Variants in EFTUD2 observed in about 807,000 individuals in gnomAD.
EFTUD2 encodes 116 kDa U5 small nuclear ribonucleoprotein component.
EFTUD2 carries 9 observed loss-of-function variants against 114.3 expected under a neutral mutation model. The ratio of observed to expected loss-of-function variants is 0.08; its 90% CI spans 0.05 to 0.14. The LOEUF is 0.14. Among genes scored for constraint, EFTUD2 ranks in the 10% least tolerant of loss-of-function variants. The pLI is 1.00. For missense variants in EFTUD2, 765 were observed against 1,241.2 expected (o/e 0.62, Z 5.76); for synonymous variants, 449 against 462.3 (o/e 0.97, Z 0.37).
intron 2 of EFTUD2, among the ~76,000 whole-genome samples, chr17:44,893,779 T>C (rs1040028477): frequency 3.0e-5 from 1 of 33,500 alleles, no homozygotes; most frequent in East Asian, 1.3e-3. Flanking sequence ...GGGGGGGGGG[T>C]GGGGGGGCAG....
chr17:44,880,141 T>C (rs911653018), intron 8 of EFTUD2, among the ~76,000 whole-genome samples: 2 of 152,138 alleles, frequency 1.3e-5, no homozygotes, highest in Non-Finnish European at 2.9e-5. Context: ...CAGTTGGTCC[T>C]TTCCATAGGA....
intron 14 of EFTUD2, among the ~76,000 whole-genome samples, chr17:44,864,678 C>T (rs1442283892): frequency 2.6e-5 from 4 of 152,150 alleles, no homozygotes; most frequent in African/African-American, 4.8e-5. Flanking sequence ...AGCCTGCCTC[C>T]CCATCTCATT....
intron 20 of EFTUD2, among the ~76,000 whole-genome samples, chr17:44,855,289 G>A (rs531884690): frequency 2.4e-4 from 37 of 152,190 alleles, no homozygotes; most frequent in African/African-American, 4.3e-4. Flanking sequence ...ACAGCCAGGC[G>A]CGGTGGCTCA....
chr17:44,851,197 G>T lies in EFTUD2; in HGVS notation c.*77C>A. 1 of 1,217,614 alleles carries T rather than the reference G, an allele frequency of 8.2e-7. No homozygotes were observed. The allele number at this position is 1,217,614 out of a possible 1,614,324, so 75.4% of individuals were successfully genotyped here. On this transcript the variant is annotated 3_prime_UTR_variant, in exon 28 of 28. Transcript: ENST00000426333. ...CACTCTCTGACAACACGAAGGCCAC[G>T]TCATATGAGGTCTCAGCTTCAAGTA...
At chr17:44,862,577 C>A (rs574203116) in intron 16 of EFTUD2, 136 bp downstream of exon 16, 2 of 765,304 alleles carry the variant, frequency 2.6e-6, no homozygotes, top group African/African-American at 1.8e-5. Context: ...AATAGCCCTG[C>A]GGAGGGAGAG....
intron 10 of EFTUD2, among the ~76,000 whole-genome samples, chr17:44,874,485 GGTATCT>G (rs1452603601): frequency 6.6e-6 from 1 of 152,178 alleles, no homozygotes; most frequent in Non-Finnish European, 1.5e-5. Context: ...GGCTCCTGAA[GGTATCT>G]GTCTCTAGCC....
At position 44,885,472 on chromosome 17, in the gene EFTUD2, G is replaced by A; in HGVS notation, c.272-138C>T. On this transcript the variant is annotated intron_variant, in intron 3 of 27. Coordinates refer to ENST00000426333, the MANE Select transcript of EFTUD2 (RefSeq NM_004247.4). ...TTTTACTCTCAAGGATCACTCATAT[G>A]TTGAGAAAGTTTTGGAAATGCTGTT... is the stretch of plus-strand genomic sequence containing the variant. 8.5e-6 allele frequency: 5 copies of A among 586,184 alleles called. No homozygotes were observed. The Admixed American group carries it at 1.4e-4, about 16-fold the overall frequency. 36.3% of individuals were successfully genotyped at this position (586,184 alleles called of 1,614,324 possible). A position where few individuals can be genotyped will look rare whatever the true frequency, so the allele number is the denominator to read the frequency against.
chr17:44,886,207 A>T (rs556322063), intron 3 of EFTUD2, among the ~76,000 whole-genome samples: 1 of 152,226 alleles, frequency 6.6e-6, no homozygotes, highest in East Asian at 1.9e-4. Context: ...GTAATCCAGC[A>T]TGGGCGACAG....
At chr17:44,875,740 T>C in intron 10 of EFTUD2, 194 bp downstream of exon 10, 1 of 594,930 alleles carries the variant, frequency 1.7e-6, no homozygotes, top group Middle Eastern at 4.8e-4. Context: ...GCCCAAGTAC[T>C]GATCATAATA....
At chr17:44,869,984 G>A (rs1212232638) in intron 11 of EFTUD2, among the ~76,000 whole-genome samples, 1 of 152,178 alleles carries the variant, frequency 6.6e-6, no homozygotes, top group East Asian at 1.9e-4. Flanking sequence ...TTGGTAGTAA[G>A]GTGTAAATGG....
Position 44,854,013 on chromosome 17 carries a change from A to G in EFTUD2, c.2347+256T>C. On this transcript the variant is annotated intron_variant, in intron 23 of 27. Transcript: ENST00000426333. This position sits in a 1 kb window ranked among gnomAD's most constrained non-coding sequence, Gnocchi z 4.3. ...CATCATCCTCTTGATATCTCTTCTC[A>G]AATACGTCCAACGCCAAACCCTTCT... is the stretch of plus-strand genomic sequence containing the variant. The G allele has an allele frequency of 2.2e-6, 3 of 1,363,332 alleles. No homozygotes were observed. Among genetic ancestry groups the G allele is most frequent in the Non-Finnish European group, 2.8e-6 (3 of 1,062,188 alleles). 84.5% of individuals were successfully genotyped at this position (1,363,332 alleles called of 1,614,324 possible). A position where few individuals can be genotyped will look rare whatever the true frequency, so the allele number is the denominator to read the frequency against.
At position 44,868,556 on chromosome 17, in the gene EFTUD2, G is replaced by C. The variant is rs940490206; in HGVS notation, c.995-206C>G. ...GTCCAAAGTTGACAAGGCTGTGCTGGAGCCAAAATGAGAACCCAAGCCTCT... is the reference window on the plus strand; with the variant it reads ...GTCCAAAGTTGACAAGGCTGTGCTGCAGCCAAAATGAGAACCCAAGCCTCT... On this transcript the variant is annotated intron_variant, in intron 11 of 27. Transcript: ENST00000426333. 7 of 536,870 alleles carry C rather than the reference G, an allele frequency of 1.3e-5. No individual in the cohort carries two copies. The Admixed American group carries it at 1.4e-4, about 10-fold the overall frequency. The allele number at this position is 536,870 out of a possible 1,614,324, so 33.3% of individuals were successfully genotyped here. A position where few individuals can be genotyped will look rare whatever the true frequency, so the allele number is the denominator to read the frequency against.
intron 25 of EFTUD2, among the ~76,000 whole-genome samples, chr17:44,853,038 G>A (rs1455995071): frequency 3.9e-5 from 6 of 152,036 alleles, no homozygotes; most frequent in Admixed American, 6.6e-5. Flanking sequence ...CCGCCACCAC[G>A]CCCAGCTAAT....
In EFTUD2 at chr17:44,859,889, C is replaced by T. The variant is rs200005781; in HGVS notation, c.1860+16G>A. ...GGATAGTGGGGCTTGGCGGCTGCTG[C>T]AGGCCATGGGCATACCTTGGTGGTG... is the stretch of plus-strand genomic sequence containing the variant. On this transcript the variant is annotated intron_variant, in intron 18 of 27. Transcript: ENST00000426333. The T allele has an allele frequency of 8.7e-5, 140 of 1,613,750 alleles. 1 individual carries two copies. Among genetic ancestry groups the T allele is most frequent in the Non-Finnish European group, 3.4e-5 (40 of 1,179,988 alleles).
chr17:44,890,426 C>G (rs564486284), intron 2 of EFTUD2, among the ~76,000 whole-genome samples: 7 of 151,784 alleles, frequency 4.6e-5, no homozygotes, highest in African/African-American at 1.7e-4. Flanking sequence ...GGTGCGGTGG[C>G]TCACACCTGT....
At chr17:44,862,984 A>T in intron 15 of EFTUD2, 78 bp from the exon 16 acceptor site, 10 of 1,249,258 alleles carry the variant, frequency 8.0e-6, no homozygotes, top group Non-Finnish European at 1.0e-5. Flanking sequence ...CTTCCTTGAC[A>T]GCAAGGACAT....
intron 2 of EFTUD2, among the ~76,000 whole-genome samples, chr17:44,893,798 G>A (rs1242355218): frequency 2.7e-5 from 4 of 150,932 alleles, no homozygotes; most frequent in Non-Finnish European, 5.9e-5. Flanking sequence ...AGGCATGGTG[G>A]CTCATGCCTA....
At chr17:44,897,816 C>T (rs943886434) in intron 1 of EFTUD2, among the ~76,000 whole-genome samples, 7 of 152,158 alleles carry the variant, frequency 4.6e-5, no homozygotes, top group African/African-American at 1.4e-4. Flanking sequence ...TAGCCCACCT[C>T]GGCCTCCCAA....
chr17:44,854,479 G>A lies in EFTUD2; in HGVS notation c.2259+77C>T. On this transcript the variant is annotated intron_variant, in intron 22 of 27. Transcript: ENST00000426333. This position sits in a 1 kb window ranked among gnomAD's most constrained non-coding sequence, Gnocchi z 4.3. ...TCACCAGAGGACACAAGATACTTTT[G>A]GGAAAAGAACACTTTGTAGTTTCTT... 6.3e-7 allele frequency: 1 copy of A among 1,580,224 alleles called. No homozygotes were observed. The highest frequency in any genetic ancestry group is 1.2e-5 in the South Asian group (1 of 86,910).
Sources: allele counts gnomAD v4.1 joint callset (sites outside exome capture counted in the v4.1 genomes callset), GRCh38; gene constraint gnomAD v4.1.1; non-coding constraint Gnocchi (gnomAD v3.1); transcripts MANE v1.5; gene names NCBI Gene and HGNC (gene_info 2026-07-23, HGNC 2026-07-21).